The following USP26 variants were observed in gnomAD, a reference collection of about 807,000 sequenced individuals.
USP26 encodes ubiquitin specific peptidase 26.
For synonymous variants in USP26, 236 were observed against 240.6 expected (o/e 0.98, Z 0.18); for missense variants, 649 against 642.3 (o/e 1.01, Z -0.11).
chrX:133,092,542 A>C (rs1194367103), intron 1 of USP26, among the ~76,000 whole-genome samples: 1 of 112,414 alleles, frequency 8.9e-6, no homozygotes, highest in Non-Finnish European at 1.9e-5. Context: ...TGACACTGAG[A>C]ATAGATCTTC....
intron 5 of USP26, among the ~76,000 whole-genome samples, chrX:133,076,367 A>G (rs1246321360): frequency 9.0e-6 from 1 of 110,950 alleles, no homozygotes; most frequent in Non-Finnish European, 1.9e-5. Flanking sequence ...ATCTTATGAT[A>G]CTCAGGGTAC....
rs1002581223 is a variant in USP26, at chrX:133,027,871, C to G, written c.350G>C (p.Ser117Thr). Residue 117 changes from serine to threonine, a missense_variant, in exon 6 of 6, where the codon AGT becomes ACT. Ser to Thr is a moderately conservative substitution (Grantham distance 58). Transcript: ENST00000511190. ...CTTCTGTGTTGTGCTAGAAAAGACA[C>G]TCCCACCCTTACCAGGTCTCACAGG... Reference protein sequence around the residue: ...QPPVRPGKGGSVFSSTTQKEI... With the variant: ...QPPVRPGKGGTVFSSTTQKEI... 3 of 1,209,092 alleles carry G rather than the reference C, an allele frequency of 2.5e-6. No homozygotes were observed. Among genetic ancestry groups the G allele is most frequent in the Admixed American group, 2.2e-5 (1 of 45,844 alleles).
chrX:133,063,664 C>T (rs1204948905), intron 5 of USP26, among the ~76,000 whole-genome samples: 2 of 111,641 alleles, frequency 1.8e-5, no homozygotes, highest in African/African-American at 6.5e-5. Context: ...AAAACCCTTA[C>T]AGGCAAGCAA....
At chrX:133,085,663 T>C (rs955006420) in intron 4 of USP26, among the ~76,000 whole-genome samples, 2 of 112,345 alleles carry the variant, frequency 1.8e-5, no homozygotes, top group African/African-American at 6.5e-5. Flanking sequence ...CAACGAAAAC[T>C]AGAATCTTTA....
intron 1 of USP26, among the ~76,000 whole-genome samples, chrX:133,095,093 C>CAAAAAAAAA (rs35394795): frequency 5.9e-5 from 3 of 51,024 alleles, no homozygotes; most frequent in Non-Finnish European, 1.1e-4. Context: ...AGACTCTTGT[C>CAAAAAAAAA]AAAAAAAAAA....
chrX:133,067,051 A>T (rs1055465008), intron 5 of USP26, among the ~76,000 whole-genome samples: 2 of 112,395 alleles, frequency 1.8e-5, no homozygotes, highest in Non-Finnish European at 3.8e-5. Flanking sequence ...AACCCCATCA[A>T]AAATTAGGTG....
intron 5 of USP26, among the ~76,000 whole-genome samples, chrX:133,029,644 G>C (rs983412870): frequency 4.5e-5 from 5 of 112,034 alleles, no homozygotes; most frequent in Admixed American, 9.5e-5. Flanking sequence ...AACAACTTGA[G>C]AGAACCTGCA....
Position 133,027,994 on chromosome X carries a change from T to C in USP26, c.227A>G (p.Gln76Arg). The C allele has an allele frequency of 8.3e-7, 1 of 1,211,687 alleles. No individual in the cohort carries two copies. The highest frequency in any genetic ancestry group is 1.8e-5 in the South Asian group (1 of 56,984). The stretch of plus-strand genomic sequence containing the variant: ...TTCAATAAACAAGCCATTATTATTT[T>C]GTAAAGTTAAATGCAGGTGATTTTG... ...GNQNHLHLTL[Q>R]NNNGLFIEGL... Residue 76 changes from glutamine to arginine, a missense_variant, in exon 6 of 6, where the codon CAA becomes CGA. Transcript: ENST00000511190.
At chrX:133,047,175 C>G (rs1413077212) in intron 5 of USP26, among the ~76,000 whole-genome samples, 1 of 111,823 alleles carries the variant, frequency 8.9e-6, no homozygotes, top group African/African-American at 3.2e-5. Flanking sequence ...AAGCCGTGAC[C>G]AGCCAAGCAG....
chrX:133,091,673 A>T (rs1260314084), intron 1 of USP26, among the ~76,000 whole-genome samples: 2 of 111,167 alleles, frequency 1.8e-5, no homozygotes, highest in African/African-American at 6.5e-5. Flanking sequence ...ACTTAGGAAG[A>T]GTGACTACCA....
rs752927265 is a variant in USP26 at position 133,026,449 on chromosome X, G to T, written c.1772C>A (p.Thr591Lys). Residue 591 changes from threonine to lysine, a missense_variant, in exon 6 of 6, where the codon ACA (threonine) becomes AAA (lysine). Physicochemically the swap from Thr to Lys is moderately conservative, Grantham distance 78 (BLOSUM62 -1). Coordinates refer to ENST00000511190, the MANE Select transcript of USP26 (RefSeq NM_031907.3). ...SGNISVSWPA[T>K]KESKDILAPH... Reference sequence around the variant, plus strand: ...AGCCAGGATATCTTTGGATTCCTTTGTTGCAGGCCATGATACACTGATGTT... The same window carrying T: ...AGCCAGGATATCTTTGGATTCCTTTTTTGCAGGCCATGATACACTGATGTT... 8.3e-7 allele frequency: 1 copy of T among 1,203,899 alleles called. No individual in the cohort carries two copies. Among genetic ancestry groups the T allele is most frequent in the African/African-American group, 1.8e-5 (1 of 55,429 alleles).
Position 133,028,078 on chromosome X carries a change from C to T in USP26, c.143G>A (p.Ser48Asn), listed in dbSNP as rs752876329. Residue 48 changes from serine to asparagine, a missense_variant, in exon 6 of 6, where the codon AGC (serine) becomes AAC (asparagine). Transcript: ENST00000511190. ...LVLYFKSGKY[S>N]TFRLSDNIQN... is the part of the protein sequence containing the mutation. ...AATATTATCACTTAGCCGAAAAGTG[C>T]TATATTTTCCACTTTTGAAATACAG... is the stretch of plus-strand genomic sequence containing the variant. 3.3e-6 allele frequency: 4 copies of T among 1,210,353 alleles called. No homozygotes were observed. Among genetic ancestry groups the T allele is most frequent in the Non-Finnish European group, 4.5e-6 (4 of 894,594 alleles).
At chrX:133,033,462 C>G (rs1297250290) in intron 5 of USP26, among the ~76,000 whole-genome samples, 2 of 112,082 alleles carry the variant, frequency 1.8e-5, no homozygotes, top group Non-Finnish European at 3.8e-5. Flanking sequence ...AAGTTTGAAC[C>G]CTTTCTGAGG....
At chrX:133,060,269 G>T (rs745804906) in intron 5 of USP26, among the ~76,000 whole-genome samples, 1 of 112,041 alleles carries the variant, frequency 8.9e-6, no homozygotes, top group African/African-American at 3.2e-5. Context: ...AATGCATTCT[G>T]TTCAGTAGGT....
chrX:133,032,498 C>T (rs1458033245), intron 5 of USP26, among the ~76,000 whole-genome samples: 1 of 111,664 alleles, frequency 9.0e-6, no homozygotes, highest in African/African-American at 3.3e-5. Flanking sequence ...TGTAAAAGAG[C>T]GGGAGACTGA....
At chrX:133,095,398 G>A (rs2067625852) in intron 1 of USP26, among the ~76,000 whole-genome samples, 1 of 111,703 alleles carries the variant, frequency 9.0e-6, no homozygotes, top group Non-Finnish European at 1.9e-5. Flanking sequence ...ATTAAATTGT[G>A]CATTTGTAAA....
At chrX:133,074,124 C>T (rs1314495645) in intron 5 of USP26, among the ~76,000 whole-genome samples, 1 of 111,630 alleles carries the variant, frequency 9.0e-6, no homozygotes, top group Admixed American at 9.5e-5. Flanking sequence ...GGCCTTTATC[C>T]CACTAAAGGC....
At chrX:133,079,341 C>T (rs551060508) in intron 5 of USP26, among the ~76,000 whole-genome samples, 1 of 111,813 alleles carries the variant, frequency 8.9e-6, no homozygotes, top group South Asian at 3.8e-4. Context: ...CACAACAGCC[C>T]CTTTAAGAAG....
intron 4 of USP26, among the ~76,000 whole-genome samples, chrX:133,088,721 G>A (rs748626697): frequency 1.8e-5 from 2 of 112,154 alleles, no homozygotes; most frequent in African/African-American, 6.5e-5. Context: ...TCTACCTTGT[G>A]ACTTACTTTT....
Sources: gnomAD v4.1 joint callset for allele counts (sites outside exome capture counted in the v4.1 genomes callset) on GRCh38, gnomAD v4.1.1 for gene constraint, MANE v1.5 for transcripts, NCBI Gene and HGNC (gene_info 2026-07-23, HGNC 2026-07-21) for gene names.